ERC2: variants seen among roughly 807,000 people sequenced by gnomAD.
ERC2 encodes the protein ERC protein 2.
A neutral mutation model predicts 114.8 loss-of-function variants in ERC2; 42 were observed. That is an observed-to-expected ratio of 0.37 (90% confidence interval 0.29 to 0.47). The LOEUF (loss-of-function observed/expected upper bound fraction) is 0.47. ERC2 is among the 20% of genes least tolerant of loss of function. ERC2 has a pLI of 0.99. For missense variants in ERC2, 939 were observed against 1,150.7 expected (o/e 0.82, Z 2.66); for synonymous variants, 454 against 425.5 (o/e 1.07, Z -0.82).
chr3:56,419,434 TCA>T (rs2061301845), intron 2 of ERC2, among the ~76,000 whole-genome samples: 1 of 152,230 alleles, frequency 6.6e-6, no homozygotes, highest in Admixed American at 6.5e-5. Context: ...GCAAACTCTT[TCA>T]AGGTAACTTA....
chr3:55,553,011 ATTTTTTTTTTTTT>A (rs66602607), intron 17 of ERC2, among the ~76,000 whole-genome samples: 4 of 55,200 alleles, frequency 7.2e-5, no homozygotes, highest in South Asian at 8.9e-4. Context: ...GGGCTTCCAG[ATTTTTTTTTTTTT>A]TTTTTTTTTT....
chr3:56,347,672 G>A (rs2058362151), intron 2 of ERC2, among the ~76,000 whole-genome samples: 1 of 152,036 alleles, frequency 6.6e-6, no homozygotes, highest in African/African-American at 2.4e-5. Flanking sequence ...AGAGGTCTGG[G>A]TACCAGGCCC....
chr3:56,090,754 G>A (rs1490133375), intron 6 of ERC2, among the ~76,000 whole-genome samples: 3 of 150,332 alleles, frequency 2.0e-5, no homozygotes, highest in African/African-American at 4.9e-5. Context: ...TGAACATTGT[G>A]CCCGATAGGT....
intron 15 of ERC2, among the ~76,000 whole-genome samples, chr3:55,718,352 C>T (rs757338584): frequency 6.6e-6 from 1 of 152,098 alleles, no homozygotes; most frequent in Non-Finnish European, 1.5e-5. Flanking sequence ...TTACTGGGCA[C>T]GCATGACTGA....
intron 3 of ERC2, among the ~76,000 whole-genome samples, chr3:56,278,131 TA>T (rs1456077977): frequency 1.3e-5 from 2 of 152,232 alleles, no homozygotes; most frequent in African/African-American, 4.8e-5. Flanking sequence ...GGGTGACTGA[TA>T]AATGTTAGTC....
chr3:56,235,155 C>A (rs1165415765), intron 3 of ERC2, among the ~76,000 whole-genome samples: 1 of 152,140 alleles, frequency 6.6e-6, no homozygotes, highest in African/African-American at 2.4e-5. Context: ...CCCCCAATCC[C>A]ACTTTTAATT....
intron 1 of ERC2, among the ~76,000 whole-genome samples, chr3:56,454,059 C>G (rs2062946694): frequency 6.6e-6 from 1 of 152,192 alleles, no homozygotes; most frequent in Non-Finnish European, 1.5e-5. Flanking sequence ...GTGTGACTTA[C>G]AGATTGCACC....
chr3:56,290,053 G>T (rs994147178), intron 3 of ERC2, among the ~76,000 whole-genome samples: 3 of 152,080 alleles, frequency 2.0e-5, no homozygotes, highest in African/African-American at 7.2e-5. Flanking sequence ...CCACAAAATT[G>T]CCACTGATAC....
At chr3:56,129,132 A>T (rs2080056558) in intron 6 of ERC2, among the ~76,000 whole-genome samples, 1 of 152,230 alleles carries the variant, frequency 6.6e-6, no homozygotes. Flanking sequence ...AATAAGACAA[A>T]AGGAGGAAAG....
At chr3:55,588,080 T>C (rs960628643) in intron 17 of ERC2, among the ~76,000 whole-genome samples, 3 of 152,160 alleles carry the variant, frequency 2.0e-5, no homozygotes, top group East Asian at 1.9e-4. Context: ...AAAAATTGGG[T>C]ATACATCCCT....
chr3:56,120,629 T>C (rs1178410865), intron 6 of ERC2, among the ~76,000 whole-genome samples: 1 of 152,184 alleles, frequency 6.6e-6, no homozygotes, highest in African/African-American at 2.4e-5. Context: ...CTGACACATG[T>C]AGTGCTGATG....
chr3:55,826,564 C>T lies in ERC2; in HGVS notation c.2564+61825G>A, dbSNP rs2060333993. ...TTCTTGTAATGCACATAATGCAAAG[C>T]CTGACAATAATCATTGTTTAACAAT... is the stretch of plus-strand genomic sequence containing the variant. On this transcript the variant is annotated intron_variant, in intron 14 of 17. Transcript: ENST00000288221. Among the ~76,000 whole-genome samples, 2 of 152,148 alleles carry T rather than the reference C, an allele frequency of 1.3e-5. 1 individual carries two copies. Among genetic ancestry groups the T allele is most frequent in the South Asian group, 4.1e-4 (2 of 4,822 alleles).
chr3:55,706,176 G>A (rs1399407471), intron 15 of ERC2, among the ~76,000 whole-genome samples: 1 of 152,150 alleles, frequency 6.6e-6, no homozygotes, highest in Non-Finnish European at 1.5e-5. Context: ...CCTACAGTGT[G>A]CTCCAGAATC....
intron 7 of ERC2, among the ~76,000 whole-genome samples, chr3:56,026,135 G>C (rs866731644): frequency 7.1e-6 from 1 of 140,102 alleles, no homozygotes; most frequent in Non-Finnish European, 1.5e-5. Context: ...GCATGATCTC[G>C]GCCTCCCGGG....
chr3:56,073,997 C>T (rs190194569), intron 7 of ERC2, among the ~76,000 whole-genome samples: 380 of 135,716 alleles, frequency 2.8e-3, no homozygotes, highest in Non-Finnish European at 4.1e-3. Flanking sequence ...TCATGTAATT[C>T]GTTCCCTACT....
intron 3 of ERC2, among the ~76,000 whole-genome samples, chr3:56,268,475 C>A (rs965003422): frequency 6.6e-6 from 1 of 152,024 alleles, no homozygotes; most frequent in African/African-American, 2.4e-5. Context: ...ATATAAAAAA[C>A]AAAATAAATA....
At chr3:55,702,150 T>A (rs1292794903) in intron 15 of ERC2, among the ~76,000 whole-genome samples, 1 of 152,200 alleles carries the variant, frequency 6.6e-6, no homozygotes, top group Non-Finnish European at 1.5e-5. Context: ...CAGTCCTAAA[T>A]GTGTCTGCTA....
At chr3:55,757,625 G>A (rs1461419844) in intron 14 of ERC2, among the ~76,000 whole-genome samples, 2 of 152,064 alleles carry the variant, frequency 1.3e-5, no homozygotes, top group African/African-American at 4.8e-5. Context: ...AGAAATCAAT[G>A]AGATACTATA....
intron 2 of ERC2, among the ~76,000 whole-genome samples, chr3:56,335,457 T>G (rs1440131708): frequency 6.6e-6 from 1 of 152,184 alleles, no homozygotes; most frequent in Non-Finnish European, 1.5e-5. Flanking sequence ...AGCGATGATT[T>G]TTTAAAACTG....
Sources: gnomAD v4.1 joint callset for allele counts (sites outside exome capture counted in the v4.1 genomes callset) on GRCh38, gnomAD v4.1.1 for gene constraint, MANE v1.5 for transcripts, NCBI Gene and HGNC (gene_info 2026-07-23, HGNC 2026-07-21) for gene names.